Variants in TENM3 observed in about 807,000 individuals in gnomAD.
TENM3 encodes the protein teneurin transmembrane protein 3.
TENM3 carries 63 observed loss-of-function variants against 255.1 expected under a neutral mutation model. The observed-to-expected ratio is 0.25, with a 90% CI of 0.20 to 0.30. The LOEUF is 0.30. Ranked by LOEUF, TENM3 falls within the 10% of genes least tolerant of loss-of-function variation. TENM3 has a pLI of 1.00. For synonymous variants in TENM3, 1,306 were observed against 1,322.3 expected (o/e 0.99, Z 0.27); for missense variants, 2,929 against 3,461.1 (o/e 0.85, Z 3.86).
chr4:182,006,145 G>T, the TENM3 span, among the ~76,000 whole-genome samples: 1 of 152,108 alleles, frequency 6.6e-6, no homozygotes, highest in African/African-American at 2.4e-5. Context: ...TCTTGTACCG[G>T]TTTTCAAAGG....
chr4:181,839,744 A>G, the TENM3 span, among the ~76,000 whole-genome samples: 2 of 151,672 alleles, frequency 1.3e-5, no homozygotes, highest in East Asian at 3.9e-4. Context: ...TCTGATGACA[A>G]TTCAGGGGAT....
chr4:182,177,958 G>GTTTTTTTTTTTT (rs56256529), intron 1 of TENM3, among the ~76,000 whole-genome samples: 5 of 117,122 alleles, frequency 4.3e-5, no homozygotes, highest in Admixed American at 8.9e-5. Context: ...TTTGGTTTTT[G>GTTTTTTTTTTTT]TTTTTTTTTT....
the TENM3 span, among the ~76,000 whole-genome samples, chr4:181,474,909 C>A: frequency 1.2e-4 from 18 of 152,216 alleles, no homozygotes; most frequent in African/African-American, 4.3e-4. Context: ...ATATTCCCCA[C>A]CTACAGCCTT....
At chr4:182,458,364 T>C (rs1449917072) in intron 3 of TENM3, among the ~76,000 whole-genome samples, 1 of 152,190 alleles carries the variant, frequency 6.6e-6, no homozygotes, top group African/African-American at 2.4e-5. Context: ...ATAGATTATG[T>C]TTGTGTTTAC....
chr4:181,617,817 G>A, the TENM3 span, among the ~76,000 whole-genome samples: 14 of 152,270 alleles, frequency 9.2e-5, no homozygotes, highest in South Asian at 2.1e-3. Flanking sequence ...CTACAACTTC[G>A]CATTAGTAAA....
At chr4:181,818,548 T>G in the TENM3 span, among the ~76,000 whole-genome samples, 17 of 152,240 alleles carry the variant, frequency 1.1e-4, no homozygotes, top group African/African-American at 3.4e-4. Flanking sequence ...GCGGTACATG[T>G]GCAGGATGTA....
At chr4:182,746,285 G>A (rs1762007919) in intron 19 of TENM3, among the ~76,000 whole-genome samples, 1 of 152,074 alleles carries the variant, frequency 6.6e-6, no homozygotes, top group Non-Finnish European at 1.5e-5. Context: ...ATGGCACTAC[G>A]GTAAGGAAAC....
Position 182,651,528 on chromosome 4 carries a change from T to TA in TENM3, c.989-2233dup, listed in dbSNP as rs983947622. 9.7e-4 allele frequency among the ~76,000 whole-genome samples: 144 copies of TA among 148,420 alleles called. 1 individual carries two copies. The highest frequency in any genetic ancestry group is 3.4e-3 in the Middle Eastern group (1 of 290). ...CAGAACGGTGAAACCCCGTCTGTAATAAAAAAAAAATACAAAAAATTAGCT... is the reference window on the plus strand; with the variant it reads ...CAGAACGGTGAAACCCCGTCTGTAATAAAAAAAAAAATACAAAAAATTAGCT... On this transcript the variant is annotated intron_variant, in intron 5 of 27. Coordinates refer to ENST00000511685, the MANE Select transcript of TENM3 (RefSeq NM_001080477.4).
chr4:182,245,341 C>A (rs1360552386), intron 1 of TENM3, among the ~76,000 whole-genome samples: 1 of 152,168 alleles, frequency 6.6e-6, no homozygotes, highest in Non-Finnish European at 1.5e-5. Flanking sequence ...AGTGAAAGAG[C>A]AAGTAGAAAG....
chr4:181,557,761 G>A, the TENM3 span, among the ~76,000 whole-genome samples: 3 of 152,018 alleles, frequency 2.0e-5, no homozygotes, highest in Non-Finnish European at 4.4e-5. Context: ...CAACTCCTTA[G>A]CTCAAGAGAT....
the TENM3 span, among the ~76,000 whole-genome samples, chr4:181,690,403 A>G: frequency 1.4e-4 from 21 of 152,328 alleles, no homozygotes; most frequent in East Asian, 4.1e-3. Context: ...TTGTCACTGC[A>G]TCTTGTCAAA....
At chr4:181,626,698 C>A in the TENM3 span, among the ~76,000 whole-genome samples, 3 of 152,158 alleles carry the variant, frequency 2.0e-5, no homozygotes, top group East Asian at 3.9e-4. Context: ...CCAACACCTG[C>A]CACTCAGCCC....
At chr4:182,589,722 C>T (rs1746413950) in intron 3 of TENM3, among the ~76,000 whole-genome samples, 1 of 152,096 alleles carries the variant, frequency 6.6e-6, no homozygotes, top group Non-Finnish European at 1.5e-5. Context: ...CCTGTAATCC[C>T]AGCACTTTGG....
At chr4:181,796,880 A>G in the TENM3 span, among the ~76,000 whole-genome samples, 1 of 152,088 alleles carries the variant, frequency 6.6e-6, no homozygotes, top group Non-Finnish European at 1.5e-5. Context: ...CCACTTTTAC[A>G]TCTCAGAAAA....
At chr4:182,050,973 C>T in the TENM3 span, among the ~76,000 whole-genome samples, 1 of 152,132 alleles carries the variant, frequency 6.6e-6, no homozygotes, top group Admixed American at 6.5e-5. Context: ...CTGTTGAGTC[C>T]TCAGTTCACA....
the TENM3 span, among the ~76,000 whole-genome samples, chr4:181,717,053 T>C: frequency 2.0e-5 from 3 of 152,212 alleles, no homozygotes; most frequent in South Asian, 6.2e-4. Context: ...GATTTGATTT[T>C]GATCCCTTAG....
the TENM3 span, among the ~76,000 whole-genome samples, chr4:181,933,753 T>C: frequency 2.6e-5 from 4 of 152,162 alleles, no homozygotes; most frequent in African/African-American, 9.7e-5. Context: ...AATGCAGGCA[T>C]TTAACTACAC....
the TENM3 span, among the ~76,000 whole-genome samples, chr4:181,594,024 T>G: frequency 0.49 from 74,305 of 150,752 alleles, 18,530 homozygotes; most frequent in Non-Finnish European, 0.51. Flanking sequence ...AAATTGGTGG[T>G]GGCTGCTTCA....
chr4:182,019,475 C>T, the TENM3 span, among the ~76,000 whole-genome samples: 1 of 152,144 alleles, frequency 6.6e-6, no homozygotes, highest in African/African-American at 2.4e-5. Flanking sequence ...ATGCCAATCC[C>T]CTCAATTCAA....
Sources: gnomAD v4.1 joint callset for allele counts (sites outside exome capture counted in the v4.1 genomes callset) on GRCh38, gnomAD v4.1.1 for gene constraint, MANE v1.5 for transcripts, NCBI Gene and HGNC (gene_info 2026-07-23, HGNC 2026-07-21) for gene names.